DLGAP4: variants seen among roughly 807,000 people sequenced by gnomAD.
The protein encoded by DLGAP4 is DLG associated protein 4, also known as disks large-associated protein 4.
DLGAP4 carries 18 observed loss-of-function variants against 86.9 expected under a neutral mutation model. The observed-to-expected ratio is 0.21, with a 90% CI of 0.14 to 0.31. The LOEUF (loss-of-function observed/expected upper bound fraction) is 0.31, where lower values mean the gene tolerates loss of function less well. Ranked by LOEUF, DLGAP4 falls within the 10% of genes least tolerant of loss-of-function variation. The pLI, the probability that DLGAP4 is intolerant of heterozygous loss-of-function variation, is 1.00. For synonymous variants in DLGAP4, 548 were observed against 574.3 expected, an observed-to-expected ratio of 0.95 and a Z score of 0.65; for missense variants, 1,085 against 1,362.6, an observed-to-expected ratio of 0.80 and a Z score of 3.21.
intron 2 of DLGAP4, among the ~76,000 whole-genome samples, chr20:36,386,777 A>C (rs1436640850): frequency 6.6e-6 from 1 of 152,192 alleles, no homozygotes; most frequent in Non-Finnish European, 1.5e-5. Flanking sequence ...GTAGGGACGA[A>C]GTCTCACTGT....
chr20:36,480,826 T>C lies in DLGAP4; in HGVS notation c.1649-15879T>C, dbSNP rs925494627. Among the ~76,000 whole-genome samples the C allele has an allele frequency of 2.6e-5, 4 of 152,030 alleles. No homozygotes were observed. The East Asian group carries it at 7.7e-4, about 29-fold the overall frequency. On this transcript the variant is annotated intron_variant, in intron 7 of 12. Transcript: ENST00000339266. Reference sequence around the variant, plus strand: ...TTCTAGTACAGCATGGGCAACATAGTGAGACCTCATCTCTACAAAAACTAA... The same window carrying C: ...TTCTAGTACAGCATGGGCAACATAGCGAGACCTCATCTCTACAAAAACTAA...
At chr20:36,438,726 T>G (rs1402378080) in intron 4 of DLGAP4, among the ~76,000 whole-genome samples, 1 of 87,264 alleles carries the variant, frequency 1.1e-5, no homozygotes, top group Non-Finnish European at 2.6e-5. Context: ...TTTTTTTTTT[T>G]GAGACAGAGT....
At chr20:36,460,670 G>C (rs371950859) in intron 7 of DLGAP4, among the ~76,000 whole-genome samples, 16 of 152,320 alleles carry the variant, frequency 1.1e-4, no homozygotes, top group African/African-American at 3.6e-4. Context: ...ACAAGGCAGC[G>C]ACAGGACCTG....
chr20:36,378,046 C>G (rs1161175435), intron 2 of DLGAP4, among the ~76,000 whole-genome samples: 3 of 152,212 alleles, frequency 2.0e-5, no homozygotes. Context: ...ACCAGCCCAG[C>G]TGTCCCCCAG....
At chr20:36,412,574 T>G (rs1434402746) in intron 2 of DLGAP4, among the ~76,000 whole-genome samples, 1 of 152,238 alleles carries the variant, frequency 6.6e-6, no homozygotes, top group South Asian at 2.1e-4. Context: ...CATTTCTCTC[T>G]ATGCCTCTGT....
At chr20:36,465,041 T>G (rs1220735952) in intron 7 of DLGAP4, among the ~76,000 whole-genome samples, 11 of 152,076 alleles carry the variant, frequency 7.2e-5, no homozygotes, top group Non-Finnish European at 1.5e-5. Context: ...TTAAATGAGA[T>G]TATGTATTTT....
At chr20:36,422,733 G>A (rs961460088) in intron 2 of DLGAP4, among the ~76,000 whole-genome samples, 7 of 152,152 alleles carry the variant, frequency 4.6e-5, no homozygotes, top group Non-Finnish European at 8.8e-5. Context: ...TGGGGGTGGC[G>A]GCTGCAGACA....
At chr20:36,316,016 G>A (rs2065095793) in intron 1 of DLGAP4, among the ~76,000 whole-genome samples, 1 of 152,208 alleles carries the variant, frequency 6.6e-6, no homozygotes, top group Admixed American at 6.5e-5. Flanking sequence ...TGACAAGGCT[G>A]GTCCTGGAGG....
At chr20:36,347,569 G>C (rs2029985447) in intron 1 of DLGAP4, among the ~76,000 whole-genome samples, 1 of 151,878 alleles carries the variant, frequency 6.6e-6, no homozygotes, top group Non-Finnish European at 1.5e-5. Context: ...GCACTCTCAT[G>C]GAAAAGCTGT....
intron 2 of DLGAP4, among the ~76,000 whole-genome samples, chr20:36,416,391 G>A (rs1325917265): frequency 6.6e-6 from 1 of 152,238 alleles, no homozygotes; most frequent in African/African-American, 2.4e-5. Flanking sequence ...CAAAGTACTG[G>A]GATTACAGGC....
intron 8 of DLGAP4, 57 bp from the exon 9 acceptor site, chr20:36,499,527 GTGTT>G (rs748489721): frequency 1.5e-4 from 235 of 1,524,638 alleles, no homozygotes; most frequent in African/African-American, 2.5e-4. Flanking sequence ...AGCAAGTGTG[GTGTT>G]TGTTTTTTAT....
At chr20:36,503,505 T>G (rs1053083585) in intron 10 of DLGAP4, among the ~76,000 whole-genome samples, 3 of 148,742 alleles carry the variant, frequency 2.0e-5, no homozygotes, top group African/African-American at 5.0e-5. Context: ...TTTTTTTTTT[T>G]GAGACGGAGT....
Position 36,432,581 on chromosome 20 carries a change from C to G in DLGAP4, c.864C>G (p.Tyr288Ter). ...TTGGGGTGGGCACTGACACCAACTA[C>G]GTCAAACGGGGCTCCTGGTCCACTC... The part of the protein sequence containing the change: ...PSLGVGTDTN[Y>*]VKRGSWSTLT... The change falls in exon 3 of 13, where the codon TAC becomes TAG. Residue 288 changes from tyrosine (Y) to a stop codon, truncating the protein, a stop_gained. Coordinates refer to ENST00000339266, the MANE Select transcript of DLGAP4 (RefSeq NM_001365621.2). LOFTEE classifies it high-confidence loss of function. This position sits in a 1 kb window ranked among gnomAD's most constrained non-coding sequence, Gnocchi z 6.5. The G allele has an allele frequency of 6.2e-7, 1 of 1,605,562 alleles. No individual in the cohort carries two copies. Among genetic ancestry groups the G allele is most frequent in the Non-Finnish European group, 8.5e-7 (1 of 1,176,130 alleles).
intron 7 of DLGAP4, among the ~76,000 whole-genome samples, chr20:36,495,958 C>T (rs996796339): frequency 2.6e-5 from 4 of 152,108 alleles, no homozygotes; most frequent in Non-Finnish European, 5.9e-5. Flanking sequence ...CTGCAACCTC[C>T]ACCTCCCAGG....
At chr20:36,448,042 CAAAA>C (rs59129162) in intron 7 of DLGAP4, among the ~76,000 whole-genome samples, 2 of 139,136 alleles carry the variant, frequency 1.4e-5, no homozygotes, top group African/African-American at 5.3e-5. Context: ...TTAAGATGGT[CAAAA>C]AAAAAAAAAA....
rs575450731 is a variant in DLGAP4, at chr20:36,497,207, C to T, written c.2010+141C>T. The stretch of plus-strand genomic sequence containing the variant: ...TTTTGGGGGATCAGCCCCAAGTGGC[C>T]AAACCGAATTCCACCCATAGCCACG... On this transcript the variant is annotated intron_variant, in intron 8 of 12. Coordinates refer to ENST00000339266, the MANE Select transcript of DLGAP4 (RefSeq NM_001365621.2). 290 of 1,452,618 alleles carry T rather than the reference C, an allele frequency of 2.0e-4. No individual in the cohort carries two copies. The Middle Eastern group carries it at 2.6e-3, about 13-fold the overall frequency. 90.0% of individuals were successfully genotyped at this position (1,452,618 alleles called of 1,614,324 possible).
At chr20:36,318,270 G>A (rs2065131029) in intron 1 of DLGAP4, among the ~76,000 whole-genome samples, 1 of 152,072 alleles carries the variant, frequency 6.6e-6, no homozygotes, top group Non-Finnish European at 1.5e-5. Context: ...CCTGACACCA[G>A]CTGTCTCTCC....
At chr20:36,316,090 C>T (rs973875423) in intron 1 of DLGAP4, among the ~76,000 whole-genome samples, 1 of 152,198 alleles carries the variant, frequency 6.6e-6, no homozygotes, top group Admixed American at 6.5e-5. Flanking sequence ...AATCACAAAG[C>T]GGAAGGTGGG....
At chr20:36,461,664 CCCGGCCCGGCCCGGCCCT>C in intron 7 of DLGAP4, 2 of 157,806 alleles carry the variant, frequency 1.3e-5, no homozygotes, top group Non-Finnish European at 2.2e-5. Context: ...GGCCGCCCCG[CCCGGCCCGGCCCGGCCCT>C]GCCCCGCCCC....
Sources: gnomAD v4.1 joint callset for allele counts (sites outside exome capture counted in the v4.1 genomes callset) on GRCh38, gnomAD v4.1.1 for gene constraint, Gnocchi (gnomAD v3.1) non-coding constraint, MANE v1.5 for transcripts, NCBI Gene and HGNC (gene_info 2026-07-23, HGNC 2026-07-21) for gene names.